Variants in NCK2 observed in about 807,000 individuals in gnomAD.
The protein encoded by NCK2 is cytoplasmic protein NCK2.
NCK2 carries 16 observed loss-of-function variants against 33.9 expected under a neutral mutation model. The observed-to-expected ratio is 0.47, with a 90% CI of 0.32 to 0.72. The LOEUF (loss-of-function observed/expected upper bound fraction) is 0.72. Ranked by LOEUF, NCK2 falls within the 30% of genes least tolerant of loss-of-function variation. The pLI, the probability that NCK2 is intolerant of heterozygous loss-of-function variation, is 0.03. For missense variants in NCK2, 418 were observed against 537.3 expected (o/e 0.78, Z 2.19); for synonymous variants, 273 against 239.9 (o/e 1.14, Z -1.27).
intron 2 of NCK2, chr2:105,854,451 G>T (rs1677181695): frequency 6.6e-6 from 1 of 152,392 alleles, no homozygotes; most frequent in Non-Finnish European, 1.5e-5. Context: ...AACATCTTAT[G>T]TGAATGCAGT....
chr2:105,840,988 G>A (rs1573187337), intron 2 of NCK2, among the ~76,000 whole-genome samples: 1 of 152,182 alleles, frequency 6.6e-6, no homozygotes, highest in African/African-American at 2.4e-5. Context: ...GGACAGACCA[G>A]TTGTAACTTT....
chr2:105,879,874 G>A (rs1341015327), intron 3 of NCK2, among the ~76,000 whole-genome samples: 2 of 152,256 alleles, frequency 1.3e-5, no homozygotes, highest in Non-Finnish European at 2.9e-5. Context: ...ACCCATGGAA[G>A]TGCTTGGAGG....
At chr2:105,812,497 G>A (rs979430247) in intron 1 of NCK2, among the ~76,000 whole-genome samples, 5 of 152,242 alleles carry the variant, frequency 3.3e-5, no homozygotes, top group African/African-American at 1.2e-4. Flanking sequence ...CTGACCCCGT[G>A]CTGTGTTGGG....
intron 2 of NCK2, among the ~76,000 whole-genome samples, chr2:105,839,786 G>A (rs1416075463): frequency 1.8e-4 from 27 of 152,194 alleles, no homozygotes; most frequent in Admixed American, 1.8e-3. Flanking sequence ...AGCCAAGAGG[G>A]CGGATGGAGG....
chr2:105,806,190 T>C (rs1199813327), intron 1 of NCK2, among the ~76,000 whole-genome samples: 1 of 152,010 alleles, frequency 6.6e-6, no homozygotes, highest in East Asian at 1.9e-4. Flanking sequence ...TATGTATGTG[T>C]GTGTGTGCTT....
intron 3 of NCK2, among the ~76,000 whole-genome samples, chr2:105,862,957 G>A (rs1456257454): frequency 6.6e-6 from 1 of 152,182 alleles, no homozygotes; most frequent in African/African-American, 2.4e-5. Context: ...CCTTTAAGAG[G>A]CCAGAAAGAA....
intron 2 of NCK2, among the ~76,000 whole-genome samples, chr2:105,829,643 T>C (rs1676091267): frequency 6.6e-6 from 1 of 152,282 alleles, no homozygotes; most frequent in Middle Eastern, 3.4e-3. Flanking sequence ...GATGATTTTC[T>C]CGTGAGGGTT....
chr2:105,799,044 C>A (rs1363704214), intron 1 of NCK2, among the ~76,000 whole-genome samples: 1 of 151,940 alleles, frequency 6.6e-6, no homozygotes, highest in Non-Finnish European at 1.5e-5. Flanking sequence ...TTCCTTGGCC[C>A]ACGGTTTTCT....
intron 2 of NCK2, among the ~76,000 whole-genome samples, chr2:105,824,893 A>G (rs1675882782): frequency 6.6e-6 from 1 of 152,162 alleles, no homozygotes; most frequent in Non-Finnish European, 1.5e-5. Context: ...CACCAGTGTC[A>G]CCCTCTCCAC....
Position 105,880,936 on chromosome 2 carries a change from A to ATTTTT in NCK2, c.227-364_227-360dup, listed in dbSNP as rs59005322. Among the ~76,000 whole-genome samples, 248 of 103,492 alleles carry ATTTTT rather than the reference A, an allele frequency of 2.4e-3. 7 individuals are homozygous for ATTTTT. The highest frequency in any genetic ancestry group is 3.3e-3 in the Non-Finnish European group (170 of 51,812). The allele number at this position is 103,492 out of a possible 152,430, so 67.9% of individuals were successfully genotyped here. A position where few individuals can be genotyped will look rare whatever the true frequency, so the allele number is the denominator to read the frequency against. On this transcript the variant is annotated intron_variant, in intron 3 of 4. Coordinates refer to ENST00000233154, the MANE Select transcript of NCK2 (RefSeq NM_003581.5). ...CACAGATGTGCACCACAGGTGGCTAATTTTTTTTTTTTTTTTTTTTTTTTT... is the reference window on the plus strand; with the variant it reads ...CACAGATGTGCACCACAGGTGGCTAATTTTTTTTTTTTTTTTTTTTTTTTTTTTTT...
At chr2:105,851,389 G>A (rs1161984184) in intron 2 of NCK2, among the ~76,000 whole-genome samples, 2 of 152,098 alleles carry the variant, frequency 1.3e-5, no homozygotes, top group Non-Finnish European at 2.9e-5. Context: ...TCAGCCTCCG[G>A]AGTAGCTGGG....
intron 1 of NCK2, among the ~76,000 whole-genome samples, chr2:105,795,828 ACTTC>A (rs1424425409): frequency 6.6e-6 from 1 of 151,652 alleles, no homozygotes; most frequent in Non-Finnish European, 1.5e-5. Flanking sequence ...CTCCTCCCTA[ACTTC>A]CTTCCTTCGC....
intron 2 of NCK2, among the ~76,000 whole-genome samples, chr2:105,844,796 G>GAATATATA: frequency 6.9e-6 from 1 of 145,430 alleles, no homozygotes; most frequent in Non-Finnish European, 1.5e-5. Flanking sequence ...GTATATAAAA[G>GAATATATA]AATATATAAA....
intron 3 of NCK2, among the ~76,000 whole-genome samples, chr2:105,878,803 A>T (rs574291105): frequency 2.2e-4 from 33 of 152,322 alleles, no homozygotes; most frequent in African/African-American, 6.7e-4. Context: ...ACATTCAAGC[A>T]AAACAGGTAA....
intron 2 of NCK2, among the ~76,000 whole-genome samples, chr2:105,830,693 G>A (rs113354388): frequency 3.3e-4 from 49 of 147,996 alleles, no homozygotes; most frequent in Middle Eastern, 3.5e-3. Context: ...GTGTGTGTGT[G>A]TGTGTGTGTG....
At chr2:105,849,436 G>A (rs141623514) in intron 2 of NCK2, among the ~76,000 whole-genome samples, 17 of 152,166 alleles carry the variant, frequency 1.1e-4, no homozygotes, top group African/African-American at 3.9e-4. Flanking sequence ...TCTCTGTGGC[G>A]GGATAAATTG....
At position 105,881,401 on chromosome 2, in the gene NCK2, C is replaced by T. The variant is rs1225646166; in HGVS notation, c.300C>T (p.Pro100=). The part of the protein sequence containing the change: ...SPTPSTDAEY[P]ANGSGADRIY... ...CGCCCAGCACGGACGCCGAGTACCCCGCCAATGGCAGCGGCGCCGACCGCA... is the reference window on the plus strand; with the variant it reads ...CGCCCAGCACGGACGCCGAGTACCCTGCCAATGGCAGCGGCGCCGACCGCA... Residue 100 remains proline (P), a synonymous_variant, in exon 4 of 5, where the codon CCC becomes CCT. Transcript: ENST00000233154. 2 of 1,612,282 alleles carry T rather than the reference C, an allele frequency of 1.2e-6. No individual in the cohort carries two copies. The highest frequency in any genetic ancestry group is 1.7e-6 in the Non-Finnish European group (2 of 1,179,924).
At chr2:105,868,075 AAG>A (rs1385181971) in intron 3 of NCK2, among the ~76,000 whole-genome samples, 86 of 152,182 alleles carry the variant, frequency 5.7e-4, no homozygotes, top group African/African-American at 2.0e-3. Context: ...TTGATGTGTG[AAG>A]CTGCCTGCCT....
intron 2 of NCK2, among the ~76,000 whole-genome samples, chr2:105,836,031 C>T (rs1229908103): frequency 2.7e-5 from 4 of 148,688 alleles, no homozygotes; most frequent in South Asian, 2.1e-4. Flanking sequence ...TTTCTGATTT[C>T]GTTGAATTTT....
Sources: gnomAD v4.1 joint callset for allele counts (sites outside exome capture counted in the v4.1 genomes callset) on GRCh38, gnomAD v4.1.1 for gene constraint, MANE v1.5 for transcripts, NCBI Gene and HGNC (gene_info 2026-07-23, HGNC 2026-07-21) for gene names.